Variants in DNAH6 observed in about 807,000 individuals in gnomAD.
DNAH6 encodes axonemal beta dynein heavy chain 6.
A neutral mutation model predicts 491.4 loss-of-function variants in DNAH6; 340 were observed. The ratio of observed to expected loss-of-function variants is 0.69; its 90% CI spans 0.63 to 0.76. The LOEUF (loss-of-function observed/expected upper bound fraction) is 0.76, where lower values mean the gene tolerates loss of function less well. DNAH6 is among the 30% of genes least tolerant of loss of function. The pLI is 0.00. For synonymous variants in DNAH6, 1,603 were observed against 1,686.1 expected (o/e 0.95, Z 1.21); for missense variants, 4,443 against 4,972.2 (o/e 0.89, Z 3.20).
chr2:84,742,859 G>A (rs1245282683), intron 62 of DNAH6, among the ~76,000 whole-genome samples: 2 of 152,092 alleles, frequency 1.3e-5, no homozygotes, highest in East Asian at 3.8e-4. Context: ...CCCATTAAGT[G>A]TGGTGGTTTA....
At chr2:84,757,766 A>G (rs1478595657) in intron 63 of DNAH6, among the ~76,000 whole-genome samples, 2 of 152,212 alleles carry the variant, frequency 1.3e-5, no homozygotes, top group African/African-American at 4.8e-5. Context: ...GCTGGCATGC[A>G]TACATAACTC....
intron 70 of DNAH6, among the ~76,000 whole-genome samples, chr2:84,798,710 G>A: frequency 6.6e-6 from 1 of 152,198 alleles, no homozygotes; most frequent in East Asian, 1.9e-4. Context: ...GGCCGCTCCT[G>A]TGGGAGAGTG....
chr2:84,586,099 C>G (rs1683513374), intron 15 of DNAH6, among the ~76,000 whole-genome samples: 1 of 152,236 alleles, frequency 6.6e-6, no homozygotes, highest in Non-Finnish European at 1.5e-5. Flanking sequence ...TCTCTCCCTT[C>G]CAAGATCAGA....
At chr2:84,697,442 G>C (rs1210433157) in intron 46 of DNAH6, 133 bp from the exon 47 acceptor site, 1 of 987,838 alleles carries the variant, frequency 1.0e-6, no homozygotes, top group African/African-American at 1.6e-5. Context: ...GAACTTCAGG[G>C]TTCCATGAAA....
chr2:84,781,964 C>A (rs1293044095), intron 65 of DNAH6, among the ~76,000 whole-genome samples: 2 of 152,100 alleles, frequency 1.3e-5, no homozygotes, highest in Non-Finnish European at 2.9e-5. Context: ...TTAGGACAAA[C>A]AAAGGAAATT....
Position 84,787,398 on chromosome 2 carries a change from G to T in DNAH6, c.11239+96G>T, listed in dbSNP as rs947610872. 2.2e-5 allele frequency: 19 copies of T among 859,654 alleles called. No individual in the cohort carries two copies. The Admixed American group carries it at 5.4e-4, about 25-fold the overall frequency. The allele number at this position is 859,654 out of a possible 1,614,324, so 53.3% of individuals were successfully genotyped here. A position where few individuals can be genotyped will look rare whatever the true frequency, so the allele number is the denominator to read the frequency against. Reference sequence around the variant, plus strand: ...CTTACAAAGATGGTGTCCTCCCCCAGTGTTTAATGGTGGTGATGATGATAT... The same window carrying T: ...CTTACAAAGATGGTGTCCTCCCCCATTGTTTAATGGTGGTGATGATGATAT... On this transcript the variant is annotated intron_variant, in intron 68 of 76. Transcript: ENST00000389394.
intron 11 of DNAH6, among the ~76,000 whole-genome samples, chr2:84,569,439 A>G (rs1681554847): frequency 6.6e-6 from 1 of 152,200 alleles, no homozygotes; most frequent in South Asian, 2.1e-4. Context: ...AAAAATGGGG[A>G]AGTGACTATT....
chr2:84,624,680 T>C (rs1251579904), intron 28 of DNAH6, 60 bp downstream of exon 28: 2 of 1,502,630 alleles, frequency 1.3e-6, no homozygotes, highest in African/African-American at 2.8e-5. Context: ...TCAAAAGTCT[T>C]GAAAAGTTTC....
chr2:84,785,509 A>G (rs1677092684), intron 66 of DNAH6, 101 bp from the exon 67 acceptor site: 11 of 1,207,520 alleles, frequency 9.1e-6, no homozygotes, highest in Middle Eastern at 2.0e-4. Flanking sequence ...AACATCAGCA[A>G]TCTACATCAT....
chr2:84,663,540 T>G (rs1160307076), intron 37 of DNAH6, among the ~76,000 whole-genome samples: 1 of 151,876 alleles, frequency 6.6e-6, no homozygotes, highest in Non-Finnish European at 1.5e-5. Flanking sequence ...GAAGAGAAGT[T>G]TAGAGAAAAA....
Position 84,573,472 on chromosome 2 carries a change from C to G in DNAH6, c.1809C>G (p.Thr603=), listed in dbSNP as rs573996178. ...TGCTTATTTATAACATTTAGGAAAC[C>G]ATTCAGGCCGCATTTGAATCAGCCC... ...FHTIISQIKE[T]IQAAFESARI... The change falls in exon 12 of 77, where the codon ACC becomes ACG. Residue 603 remains threonine, a synonymous_variant. Transcript: ENST00000389394. The G allele has an allele frequency of 1.3e-6, 2 of 1,578,034 alleles. No homozygotes were observed. Among genetic ancestry groups the G allele is most frequent in the Non-Finnish European group, 1.7e-6 (2 of 1,169,004 alleles).
intron 72 of DNAH6, among the ~76,000 whole-genome samples, chr2:84,810,398 C>A (rs1679855066): frequency 6.6e-6 from 1 of 152,176 alleles, no homozygotes; most frequent in Non-Finnish European, 1.5e-5. Flanking sequence ...AAACAAACCC[C>A]AGTCCACCAC....
intron 63 of DNAH6, among the ~76,000 whole-genome samples, chr2:84,754,942 A>G (rs1673851288): frequency 6.6e-6 from 1 of 152,182 alleles, no homozygotes; most frequent in Non-Finnish European, 1.5e-5. Flanking sequence ...ACTTATTTGG[A>G]TCTTCTTTAA....
In DNAH6 at chr2:84,703,590, A is replaced by C. The variant is rs184844908; in HGVS notation, c.8229+28A>C. On this transcript the variant is annotated intron_variant, in intron 50 of 76. Transcript: ENST00000389394. ...ATGCTGCAGTTCCTGAGAATGTGGA[A>C]AAGGCTTCTGTCAGCAACTGATCAC... The C allele has an allele frequency of 3.1e-5, 47 of 1,524,290 alleles. No individual in the cohort carries two copies. The East Asian group carries it at 1.2e-3, about 37-fold the overall frequency. 94.4% of individuals were successfully genotyped at this position (1,524,290 alleles called of 1,614,324 possible). A position where few individuals can be genotyped will look rare whatever the true frequency, so the allele number is the denominator to read the frequency against.
the DNAH6 span, among the ~76,000 whole-genome samples, chr2:84,481,676 C>T: frequency 6.6e-6 from 1 of 152,174 alleles, no homozygotes. Context: ...GTCAGCTGTT[C>T]AGGTCTACCT....
At chr2:84,523,171 T>A (rs1019442298) in intron 2 of DNAH6, among the ~76,000 whole-genome samples, 1 of 152,148 alleles carries the variant, frequency 6.6e-6, no homozygotes, top group African/African-American at 2.4e-5. Context: ...TTCTTCCTGG[T>A]TCAATCTTGG....
intron 37 of DNAH6, among the ~76,000 whole-genome samples, chr2:84,669,077 C>T (rs755493762): frequency 1.3e-5 from 2 of 152,044 alleles, no homozygotes; most frequent in Non-Finnish European, 2.9e-5. Flanking sequence ...TTAATATAAT[C>T]GGTATAACAG....
At chr2:84,808,129 ATATGTGTG>A (rs1455138745) in intron 71 of DNAH6, among the ~76,000 whole-genome samples, 145 of 122,148 alleles carry the variant, frequency 1.2e-3, no homozygotes, top group African/African-American at 4.2e-3. Context: ...AAGTGTATAT[ATATGTGTG>A]TGTGTGTGTG....
At chr2:84,803,479 C>T (rs1679116949) in intron 70 of DNAH6, among the ~76,000 whole-genome samples, 1 of 151,568 alleles carries the variant, frequency 6.6e-6, no homozygotes. Context: ...AGACAAGTGG[C>T]AAATCAAAAC....
Sources: gnomAD v4.1 joint callset for allele counts (sites outside exome capture counted in the v4.1 genomes callset) on GRCh38, gnomAD v4.1.1 for gene constraint, MANE v1.5 for transcripts, NCBI Gene and HGNC (gene_info 2026-07-23, HGNC 2026-07-21) for gene names.